The following PKD1L1 variants were observed in gnomAD, a reference collection of about 807,000 sequenced individuals.
PKD1L1 encodes the protein polycystin 1 like 1, transient receptor potential channel interacting.
A neutral mutation model predicts 323.4 loss-of-function variants in PKD1L1; 236 were observed. The observed-to-expected ratio is 0.73, with a 90% CI of 0.66 to 0.81. The LOEUF (loss-of-function observed/expected upper bound fraction) is 0.81, where lower values mean the gene tolerates loss of function less well. PKD1L1 is among the 40% of genes least tolerant of loss of function. PKD1L1 has a pLI of 0.00. For missense variants in PKD1L1, 3,320 were observed against 3,508.0 expected (o/e 0.95, Z 1.35); for synonymous variants, 1,344 against 1,335.0 (o/e 1.01, Z -0.15).
chr7:47,890,276 G>A (rs552294925), intron 16 of PKD1L1, among the ~76,000 whole-genome samples: 112 of 152,312 alleles, frequency 7.4e-4, no homozygotes, highest in Non-Finnish European at 1.2e-3. Flanking sequence ...GAGGGTTCCC[G>A]ATGAGGTTCC....
At chr7:47,907,406 G>A (rs1020828829) in intron 9 of PKD1L1, among the ~76,000 whole-genome samples, 6 of 151,818 alleles carry the variant, frequency 4.0e-5, no homozygotes, top group Non-Finnish European at 8.8e-5. Flanking sequence ...TACGGTAAGT[G>A]GCTGGAGTTC....
chr7:47,886,429 C>T (rs2128747895), intron 17 of PKD1L1, among the ~76,000 whole-genome samples: 1 of 152,270 alleles, frequency 6.6e-6, no homozygotes, highest in Non-Finnish European at 1.5e-5. Flanking sequence ...CCCCTACCCG[C>T]CAGTAAGTGA....
intron 23 of PKD1L1, among the ~76,000 whole-genome samples, chr7:47,874,971 T>C (rs1786372591): frequency 1.3e-5 from 2 of 152,242 alleles, no homozygotes; most frequent in Admixed American, 1.3e-4. Flanking sequence ...ACCCTGACAC[T>C]GCTCTGGGAC....
At chr7:47,884,461 TAA>T in intron 19 of PKD1L1, 135 bp downstream of exon 19, 6 of 764,410 alleles carry the variant, frequency 7.8e-6, no homozygotes, top group Middle Eastern at 3.3e-4. Context: ...CCGTGCCATG[TAA>T]GAGTTCAACT....
chr7:47,898,000 A>T lies in PKD1L1; in HGVS notation c.2259T>A (p.Thr753=). The change falls in exon 14 of 57, where the codon ACT becomes ACA. Residue 753 remains threonine, a synonymous_variant. Coordinates refer to ENST00000289672, the MANE Select transcript of PKD1L1 (RefSeq NM_138295.5). ...PSHTLEYGNY[T]ALAKVQIEGS... ...TCAGCCAGCTGACCTTGGCAAGGGC[A>T]GTGTAGTTCCCATACTCCAAGGTGT... 6.2e-7 allele frequency: 1 copy of T among 1,610,402 alleles called. No individual in the cohort carries two copies. The highest frequency in any genetic ancestry group is 8.5e-7 in the Non-Finnish European group (1 of 1,178,698).
intron 52 of PKD1L1, 118 bp downstream of exon 52, chr7:47,808,129 C>G (rs1040371889): frequency 3.1e-6 from 4 of 1,299,372 alleles, no homozygotes; most frequent in Admixed American, 2.2e-5. Context: ...AGAGCATCAT[C>G]TCTCGATATC....
At chr7:47,908,960 G>A (rs1484554915) in intron 8 of PKD1L1, among the ~76,000 whole-genome samples, 3 of 152,252 alleles carry the variant, frequency 2.0e-5, no homozygotes, top group Admixed American at 6.5e-5. Context: ...TCTCCCCATG[G>A]CCCCAGCCAA....
Position 47,811,797 on chromosome 7 carries a change from C to T in PKD1L1, c.7581+20G>A. 1.3e-6 allele frequency: 2 copies of T among 1,576,128 alleles called. No homozygotes were observed. The highest frequency in any genetic ancestry group is 1.7e-6 in the Non-Finnish European group (2 of 1,159,748). On this transcript the variant is annotated intron_variant, in intron 50 of 56. Transcript: ENST00000289672. ...TCTTCCTGTGCACCTCCAGGAGGCC[C>T]AAGAGGCAGGTCAGCTCACCTGGGG...
intron 13 of PKD1L1, among the ~76,000 whole-genome samples, chr7:47,901,099 G>A (rs1364589409): frequency 2.0e-5 from 3 of 151,926 alleles, no homozygotes; most frequent in African/African-American, 4.8e-5. Flanking sequence ...CAGAACTCTG[G>A]GAGGCCAAGG....
chr7:47,818,084 T>C, intron 46 of PKD1L1: 1 of 1,367,880 alleles, frequency 7.3e-7, no homozygotes, highest in African/African-American at 1.5e-5. Flanking sequence ...TGTCAAACTA[T>C]CAAATGCAGA....
chr7:47,816,078 C>T (rs1363025599), intron 46 of PKD1L1, among the ~76,000 whole-genome samples: 1 of 152,120 alleles, frequency 6.6e-6, no homozygotes, highest in Non-Finnish European at 1.5e-5. Flanking sequence ...GAGGGAGCGC[C>T]GGGGCTAGGG....
intron 56 of PKD1L1, among the ~76,000 whole-genome samples, chr7:47,784,471 A>T (rs1419712196): frequency 6.6e-6 from 1 of 152,070 alleles, no homozygotes; most frequent in Non-Finnish European, 1.5e-5. Flanking sequence ...TGAGTAATAC[A>T]ATAGCTTCTT....
At chr7:47,911,967 G>T (rs549279389) in intron 8 of PKD1L1, among the ~76,000 whole-genome samples, 10 of 151,448 alleles carry the variant, frequency 6.6e-5, no homozygotes, top group Non-Finnish European at 1.5e-4. Flanking sequence ...AGGAAGGAAG[G>T]CAGGAAAGAA....
In PKD1L1 at chr7:47,880,714, A is replaced by G. The variant is rs760443791; in HGVS notation, c.3520+14T>C. The stretch of plus-strand genomic sequence containing the variant: ...CCTCATCCTCTGATAAATGCAACTG[A>G]CAATGTAACATACCCACAGACACTT... On this transcript the variant is annotated intron_variant, in intron 21 of 56. Transcript: ENST00000289672. 1.2e-5 allele frequency: 19 copies of G among 1,593,966 alleles called. No homozygotes were observed. Among genetic ancestry groups the G allele is most frequent in the Non-Finnish European group, 1.5e-5 (17 of 1,167,632 alleles).
chr7:47,843,182 G>A lies in PKD1L1; in HGVS notation c.5238-13C>T. On this transcript the variant is annotated splice_polypyrimidine_tract_variant and intron_variant, in intron 33 of 56. Coordinates refer to ENST00000289672, the MANE Select transcript of PKD1L1 (RefSeq NM_138295.5). ...GTTTTCTGGGTGGCTATAAACAAAA[G>A]GAGAGATATAAAGAAAATTGCTCAT... 6.3e-7 allele frequency: 1 copy of A among 1,587,868 alleles called. No individual in the cohort carries two copies. The highest frequency in any genetic ancestry group is 1.1e-5 in the South Asian group (1 of 88,414).
At chr7:47,802,024 T>C (rs1784673854) in intron 53 of PKD1L1, among the ~76,000 whole-genome samples, 1 of 151,966 alleles carries the variant, frequency 6.6e-6, no homozygotes, top group South Asian at 2.1e-4. Flanking sequence ...ACACCGTCTC[T>C]ACTAAAAATA....
At chr7:47,960,255 A>G in the PKD1L1 span, among the ~76,000 whole-genome samples, 5 of 149,790 alleles carry the variant, frequency 3.3e-5, no homozygotes, top group South Asian at 2.1e-4. Context: ...GGTCCTCTGC[A>G]TAGGAAAACC....
intron 14 of PKD1L1, among the ~76,000 whole-genome samples, chr7:47,896,228 C>T (rs975651002): frequency 7.4e-5 from 11 of 148,602 alleles, no homozygotes; most frequent in African/African-American, 2.8e-4. Flanking sequence ...ACTCAGGAGG[C>T]TGAGGCAGAA....
At chr7:47,792,182 A>G (rs1786965007) in intron 56 of PKD1L1, among the ~76,000 whole-genome samples, 1 of 152,166 alleles carries the variant, frequency 6.6e-6, no homozygotes, top group Non-Finnish European at 1.5e-5. Flanking sequence ...TCCTCCAGAT[A>G]CACTGTCTAA....
Sources: gnomAD v4.1 joint callset for allele counts (sites outside exome capture counted in the v4.1 genomes callset) on GRCh38, gnomAD v4.1.1 for gene constraint, MANE v1.5 for transcripts, NCBI Gene and HGNC (gene_info 2026-07-23, HGNC 2026-07-21) for gene names.